Variants in SUSD1 observed in about 807,000 individuals in gnomAD.
SUSD1 encodes the protein sushi domain containing 1, also known as sushi domain-containing protein 1.
A neutral mutation model predicts 86.9 loss-of-function variants in SUSD1; 65 were observed. The ratio of observed to expected loss-of-function variants is 0.75; its 90% CI spans 0.61 to 0.92. The LOEUF is 0.92. SUSD1 is among the 40% of genes least tolerant of loss of function. The pLI is 0.00. For missense variants in SUSD1, 850 were observed against 929.7 expected (o/e 0.91, Z 1.11); for synonymous variants, 346 against 350.0 (o/e 0.99, Z 0.13).
In SUSD1 at chr9:112,077,244, C is replaced by T. The variant is rs116936335; in HGVS notation, c.1753+1294G>A. The stretch of plus-strand genomic sequence containing the variant: ...GTTGAGGGGATGGCAGCCTTACACA[C>T]GAGCAGGGACAGGAAGGGAGGCAGA... On this transcript the variant is annotated intron_variant, in intron 12 of 16. Transcript: ENST00000374270. Among the ~76,000 whole-genome samples, 61 of 152,118 alleles carry T rather than the reference C, an allele frequency of 4.0e-4. No homozygotes were observed. In the East Asian group the frequency reaches 9.7e-3, roughly 24 times the overall value.
chr9:112,106,923 T>C (rs770031157), intron 8 of SUSD1, among the ~76,000 whole-genome samples: 1 of 150,368 alleles, frequency 6.7e-6, no homozygotes, highest in Non-Finnish European at 1.5e-5. Flanking sequence ...GAAAAGAAAA[T>C]CTGTGTAACA....
intron 10 of SUSD1, among the ~76,000 whole-genome samples, chr9:112,082,595 A>C (rs1829814406): frequency 6.6e-6 from 1 of 152,132 alleles, no homozygotes; most frequent in Admixed American, 6.5e-5. Context: ...TCTCCCCTAG[A>C]TACCCCCCGC....
intron 1 of SUSD1, among the ~76,000 whole-genome samples, chr9:112,172,088 C>T (rs745318134): frequency 5.3e-5 from 8 of 151,544 alleles, no homozygotes; most frequent in African/African-American, 9.7e-5. Flanking sequence ...CCCAGCTACT[C>T]GGAAAGCTGA....
At chr9:112,097,937 G>A (rs1830467107) in intron 10 of SUSD1, among the ~76,000 whole-genome samples, 1 of 152,182 alleles carries the variant, frequency 6.6e-6, no homozygotes, top group African/African-American at 2.4e-5. Context: ...GGGAGCTGTG[G>A]AGTTAATACA....
chr9:112,138,250 TATATATGTGTATATAC>T lies in SUSD1; in HGVS notation c.706+4054_706+4069del, dbSNP rs1389435030. Among the ~76,000 whole-genome samples the T allele has an allele frequency of 1.4e-4, 16 of 116,862 alleles. 1 individual carries two copies. Among genetic ancestry groups the T allele is most frequent in the Non-Finnish European group, 2.4e-4 (14 of 58,862 alleles). 76.7% of individuals were successfully genotyped at this position (116,862 alleles called of 152,430 possible). A position where few individuals can be genotyped will look rare whatever the true frequency, so the allele number is the denominator to read the frequency against. On this transcript the variant is annotated intron_variant, in intron 5 of 16. Coordinates refer to ENST00000374270, the MANE Select transcript of SUSD1 (RefSeq NM_022486.5). Reference sequence around the variant, plus strand: ...AAAAAAAAATGTGTATATATATATATATATATGTGTATATACATATATATATATATGAAGTCCAGGA... The same window carrying T: ...AAAAAAAAATGTGTATATATATATATATATATATATATATGAAGTCCAGGA...
At chr9:112,105,655 G>A (rs1830807126) in intron 8 of SUSD1, among the ~76,000 whole-genome samples, 1 of 152,148 alleles carries the variant, frequency 6.6e-6, no homozygotes, top group Non-Finnish European at 1.5e-5. Context: ...GGAGGCGAAG[G>A]TTGCAATGAG....
At chr9:112,056,378 G>A (rs1828448500) in intron 14 of SUSD1, among the ~76,000 whole-genome samples, 1 of 152,134 alleles carries the variant, frequency 6.6e-6, no homozygotes, top group African/African-American at 2.4e-5. Context: ...AAAGAGTTTT[G>A]GACGCTGGTT....
chr9:112,062,141 G>A (rs980362258), intron 13 of SUSD1, among the ~76,000 whole-genome samples: 2 of 152,048 alleles, frequency 1.3e-5, no homozygotes, highest in African/African-American at 4.8e-5. Context: ...AAGACAAAAA[G>A]ATTTACCTAA....
intron 12 of SUSD1, among the ~76,000 whole-genome samples, chr9:112,067,048 T>C (rs981126518): frequency 6.6e-6 from 1 of 152,156 alleles, no homozygotes; most frequent in Non-Finnish European, 1.5e-5. Flanking sequence ...AGCTAATTTT[T>C]GTATTTTTAG....
chr9:112,093,920 T>G (rs762357727), intron 10 of SUSD1, among the ~76,000 whole-genome samples: 1 of 152,214 alleles, frequency 6.6e-6, no homozygotes, highest in African/African-American at 2.4e-5. Flanking sequence ...GATGGAATTA[T>G]TTTAGCTACC....
At chr9:112,153,687 C>A (rs1421366696) in intron 2 of SUSD1, among the ~76,000 whole-genome samples, 1 of 149,530 alleles carries the variant, frequency 6.7e-6, no homozygotes, top group African/African-American at 2.5e-5. Context: ...GATCTCGGCT[C>A]ACTGCAACCT....
At chr9:112,143,364 G>C (rs1341238577) in intron 4 of SUSD1, 107 bp downstream of exon 4, 1 of 1,126,432 alleles carries the variant, frequency 8.9e-7, no homozygotes, top group Admixed American at 2.1e-5. Context: ...AATGTGCAAA[G>C]GATCAGATCA....
chr9:112,124,047 G>A (rs942105771), intron 6 of SUSD1, among the ~76,000 whole-genome samples: 1 of 152,036 alleles, frequency 6.6e-6, no homozygotes, highest in Non-Finnish European at 1.5e-5. Context: ...AAAGATGGAT[G>A]CATAACATTT....
chr9:112,105,782 T>C (rs1433821625), intron 8 of SUSD1, among the ~76,000 whole-genome samples: 1 of 152,202 alleles, frequency 6.6e-6, no homozygotes, highest in East Asian at 1.9e-4. Context: ...TGAACATTTC[T>C]ATCCGTCCAC....
chr9:112,063,503 A>G (rs1433167360), intron 12 of SUSD1, among the ~76,000 whole-genome samples: 1 of 152,208 alleles, frequency 6.6e-6, no homozygotes, highest in Non-Finnish European at 1.5e-5. Context: ...CTGGCAGAGG[A>G]TAGATGTGGT....
intron 11 of SUSD1, 108 bp downstream of exon 11, chr9:112,079,966 G>A (rs534304613): frequency 6.4e-5 from 47 of 731,304 alleles, no homozygotes; most frequent in African/African-American, 3.7e-4. Flanking sequence ...ACAGTAAATC[G>A]TCTACTGATA....
chr9:112,140,412 G>C (rs553270432), intron 5 of SUSD1, among the ~76,000 whole-genome samples: 10 of 151,626 alleles, frequency 6.6e-5, no homozygotes, highest in African/African-American at 1.9e-4. Context: ...ATGGTAGTTC[G>C]TGCCTGTAGT....
At chr9:112,081,959 A>C (rs1375938642) in intron 10 of SUSD1, among the ~76,000 whole-genome samples, 1 of 152,230 alleles carries the variant, frequency 6.6e-6, no homozygotes, top group Non-Finnish European at 1.5e-5. Context: ...CATTTGACAG[A>C]AACGCCTTAG....
intron 5 of SUSD1, among the ~76,000 whole-genome samples, chr9:112,138,581 T>C (rs964445803): frequency 2.2e-4 from 34 of 151,482 alleles, no homozygotes; most frequent in Admixed American, 4.6e-4. Context: ...CCTGAGTAGC[T>C]GGGATTACAG....
Sources: allele counts gnomAD v4.1 joint callset (sites outside exome capture counted in the v4.1 genomes callset), GRCh38; gene constraint gnomAD v4.1.1; transcripts MANE v1.5; gene names NCBI Gene and HGNC (gene_info 2026-07-23, HGNC 2026-07-21).